Variants in MRPS21 observed in about 807,000 individuals in gnomAD.
MRPS21 encodes the protein mitochondrial ribosomal protein S21.
In MRPS21, 8 loss-of-function variants were observed where a neutral mutation model predicts 9.9. That is an observed-to-expected ratio of 0.81 (90% confidence interval 0.47 to 1.45). The LOEUF (loss-of-function observed/expected upper bound fraction) is 1.45, where lower values mean the gene tolerates loss of function less well. MRPS21 is among the 40% of genes most tolerant of loss of function. The pLI is 0.00. For synonymous variants in MRPS21, 40 were observed against 40.3 expected (o/e 0.99, Z 0.03); for missense variants, 101 against 118.9 (o/e 0.85, Z 0.70).
chr1:150,301,437 C>A, intron 2 of MRPS21: 1 of 187,888 alleles, frequency 5.3e-6, no homozygotes, highest in South Asian at 6.4e-5. Flanking sequence ...GGCGGAGGTT[C>A]CAGTGAGCCG....
chr1:150,304,025 C>T, intron 2 of MRPS21: 1 of 403,870 alleles, frequency 2.5e-6, no homozygotes, highest in Admixed American at 2.6e-5. Flanking sequence ...ATAAAAGAGA[C>T]ATCAGCCGGG....
Position 150,294,459 on chromosome 1 carries a change from A to T in MRPS21, c.83+10A>T. 1 of 1,596,764 alleles carries T rather than the reference A, an allele frequency of 6.3e-7. No homozygotes were observed. The highest frequency in any genetic ancestry group is 8.6e-7 in the Non-Finnish European group (1 of 1,164,424). On this transcript the variant is annotated intron_variant, in intron 2 of 2. Transcript: ENST00000614145. Reference sequence around the variant, plus strand: ...ACAGGACCCTAAACAGGTAACTGTTAAGGGACCAGAATCATGCCTAGACTC... The same window carrying T: ...ACAGGACCCTAAACAGGTAACTGTTTAGGGACCAGAATCATGCCTAGACTC...
chr1:150,299,519 A>G (rs781929560), intron 2 of MRPS21, among the ~76,000 whole-genome samples: 16 of 151,640 alleles, frequency 1.1e-4, no homozygotes, highest in Admixed American at 6.6e-4. Flanking sequence ...CAGTGGCATG[A>G]TCTCGGCTCA....
Position 150,308,141 on chromosome 1 carries a change from G to C in MRPS21, c.177G>C (p.Arg59Ser). 6.2e-7 allele frequency: 1 copy of C among 1,610,360 alleles called. No homozygotes were observed. Among genetic ancestry groups the C allele is most frequent in the Non-Finnish European group, 8.5e-7 (1 of 1,176,804 alleles). ...CCRRQRESYE[R>S]CRRIYNMEMA... ...GGCGACAGAGGGAAAGCTATGAAAG[G>C]TGCCGGCGGATCTACAACATGGAAA... Residue 59 changes from arginine to serine, a missense_variant, in exon 3 of 3, where the codon AGG becomes AGC. Physicochemically the swap from Arg to Ser is moderately radical, Grantham distance 110. Transcript: ENST00000614145.
At chr1:150,297,716 T>C (rs587712576) in intron 2 of MRPS21, among the ~76,000 whole-genome samples, 1 of 152,128 alleles carries the variant, frequency 6.6e-6, no homozygotes, top group Admixed American at 6.5e-5. Flanking sequence ...TCTATGTGCA[T>C]AACAATTATA....
chr1:150,297,062 C>T (rs879997655), intron 2 of MRPS21, among the ~76,000 whole-genome samples: 4 of 151,898 alleles, frequency 2.6e-5, no homozygotes, highest in Admixed American at 6.6e-5. Context: ...GAGGCCAAGG[C>T]GGGCGGATCA....
intron 2 of MRPS21, chr1:150,303,868 C>G (rs1553858019): frequency 6.6e-6 from 3 of 455,954 alleles, no homozygotes; most frequent in East Asian, 6.9e-5. Context: ...TATTAGTCAT[C>G]TAGAGGACTC....
At chr1:150,306,006 C>T (rs1654318897) in intron 2 of MRPS21, among the ~76,000 whole-genome samples, 1 of 152,116 alleles carries the variant, frequency 6.6e-6, no homozygotes, top group African/African-American at 2.4e-5. Context: ...GGGTGTGGCC[C>T]AGGGTTCGGA....
chr1:150,305,251 C>A (rs1195824966), intron 2 of MRPS21, among the ~76,000 whole-genome samples: 2 of 151,970 alleles, frequency 1.3e-5, no homozygotes, highest in Admixed American at 6.6e-5. Flanking sequence ...GTTGCTCAGG[C>A]TAGTGTCAAA....
intron 2 of MRPS21, among the ~76,000 whole-genome samples, chr1:150,295,389 A>G (rs781932180): frequency 6.6e-6 from 1 of 152,122 alleles, no homozygotes; most frequent in Non-Finnish European, 1.5e-5. Flanking sequence ...GACGCACGCC[A>G]CCACCGCAGT....
At chr1:150,302,715 A>G (rs1455879599) in intron 2 of MRPS21, among the ~76,000 whole-genome samples, 24 of 152,208 alleles carry the variant, frequency 1.6e-4, no homozygotes, top group Non-Finnish European at 3.5e-4. Flanking sequence ...TGGAAGCAGA[A>G]GGAAGCATCA....
At chr1:150,294,270 G>A (rs1653832409) in intron 1 of MRPS21, 65 bp from the exon 2 acceptor site, 1 of 1,111,196 alleles carries the variant, frequency 9.0e-7, no homozygotes, top group Non-Finnish European at 1.4e-6. Context: ...AAGCCGCGCG[G>A]TGTAGTTTGT....
At chr1:150,295,276 G>T (rs1300916416) in intron 2 of MRPS21, among the ~76,000 whole-genome samples, 2 of 152,096 alleles carry the variant, frequency 1.3e-5, no homozygotes, top group East Asian at 3.9e-4. Flanking sequence ...GATTACAGGC[G>T]TAAGCCACAG....
chr1:150,302,938 GTAGTACATCCAGGGAATGCCATT>G (rs1271132082), intron 2 of MRPS21, among the ~76,000 whole-genome samples: 3 of 152,178 alleles, frequency 2.0e-5, no homozygotes, highest in Admixed American at 2.0e-4. Context: ...TTGGAAGTAA[GTAGTACATCCAGGGAATGCCATT>G]TACCAACCCC....
At chr1:150,298,398 A>G (rs587656452) in intron 2 of MRPS21, among the ~76,000 whole-genome samples, 1 of 152,322 alleles carries the variant, frequency 6.6e-6, no homozygotes, top group East Asian at 1.9e-4. Flanking sequence ...AGATTTAGAT[A>G]GGTCTTCTGG....
chr1:150,294,745 A>G (rs587723679), intron 2 of MRPS21, among the ~76,000 whole-genome samples: 1 of 151,886 alleles, frequency 6.6e-6, no homozygotes, highest in African/African-American at 2.4e-5. Flanking sequence ...CTAAAAATAC[A>G]AAAATTAGCC....
At chr1:150,297,952 A>G (rs1340513834) in intron 2 of MRPS21, among the ~76,000 whole-genome samples, 1 of 133,928 alleles carries the variant, frequency 7.5e-6, no homozygotes, top group African/African-American at 2.8e-5. Context: ...TTTTTTTTTG[A>G]GACAGAGTTT....
At chr1:150,297,679 G>C (rs1553856824) in intron 2 of MRPS21, among the ~76,000 whole-genome samples, 1 of 146,420 alleles carries the variant, frequency 6.8e-6, no homozygotes, top group Non-Finnish European at 1.5e-5. Flanking sequence ...AAAAAAATCT[G>C]GTCTGGGGTC....
chr1:150,304,201 C>A, intron 2 of MRPS21: 1 of 327,296 alleles, frequency 3.1e-6, no homozygotes, highest in Non-Finnish European at 6.2e-6. Flanking sequence ...ATCCCAGCTA[C>A]TCAGGAGGCT....
Sources: gnomAD v4.1 joint callset for allele counts (sites outside exome capture counted in the v4.1 genomes callset) on GRCh38, gnomAD v4.1.1 for gene constraint, MANE v1.5 for transcripts, NCBI Gene and HGNC (gene_info 2026-07-23, HGNC 2026-07-21) for gene names.